Variants in STX6 observed in about 807,000 individuals in gnomAD.
STX6 encodes the protein syntaxin 6.
A neutral mutation model predicts 38.0 loss-of-function variants in STX6; 23 were observed. The ratio of observed to expected loss-of-function variants is 0.60; its 90% CI spans 0.43 to 0.86. STX6 has a LOEUF of 0.86. Ranked by LOEUF, STX6 falls within the 40% of genes least tolerant of loss-of-function variation. The probability of loss-of-function intolerance (pLI) is 0.00; values close to 1 mark genes in which losing one functional copy is unlikely to be tolerated. For synonymous variants in STX6, 123 were observed against 107.5 expected, an observed-to-expected ratio of 1.14 and a Z score of -0.89; for missense variants, 274 against 312.9, an observed-to-expected ratio of 0.88 and a Z score of 0.94.
chr1:181,018,238 C>T (rs1214840916), intron 1 of STX6, among the ~76,000 whole-genome samples: 1 of 151,480 alleles, frequency 6.6e-6, no homozygotes, highest in Non-Finnish European at 1.5e-5. Flanking sequence ...ACAAAATTAG[C>T]CAGGCATAGT....
At chr1:180,978,642 C>A (rs1025025020) in intron 7 of STX6, among the ~76,000 whole-genome samples, 2 of 152,168 alleles carry the variant, frequency 1.3e-5, no homozygotes, top group Non-Finnish European at 2.9e-5. Context: ...AGTCTGCCCT[C>A]AAAAGAAACT....
At position 180,976,525 on chromosome 1, in the gene STX6, C is replaced by G. The variant is rs758513911; in HGVS notation, c.*45G>C. Reference sequence around the variant, plus strand: ...ACACGTGCTCAGCTTCTCCTCCTCCCCTCGGTTCATATGCAGGAGGAACTC... The same window carrying G: ...ACACGTGCTCAGCTTCTCCTCCTCCGCTCGGTTCATATGCAGGAGGAACTC... On this transcript the variant is annotated 3_prime_UTR_variant, in exon 8 of 8. Coordinates refer to ENST00000258301, the MANE Select transcript of STX6 (RefSeq NM_005819.6). The G allele has an allele frequency of 7.2e-6, 11 of 1,535,418 alleles. No homozygotes were observed. The South Asian group carries it at 1.2e-4, about 17-fold the overall frequency.
intron 3 of STX6, among the ~76,000 whole-genome samples, chr1:180,998,010 T>C (rs576514429): frequency 1.3e-5 from 2 of 152,360 alleles, no homozygotes; most frequent in East Asian, 3.9e-4. Context: ...GAAAATAAAA[T>C]GCTATGATTG....
At chr1:181,007,254 A>G (rs1656251445) in intron 1 of STX6, among the ~76,000 whole-genome samples, 1 of 152,158 alleles carries the variant, frequency 6.6e-6, no homozygotes, top group Non-Finnish European at 1.5e-5. Flanking sequence ...TCATCTCTAG[A>G]TTATTTATAA....
chr1:180,974,785 G>C lies in STX6; in HGVS notation c.*1785C>G, dbSNP rs1655204303. On this transcript the variant is annotated 3_prime_UTR_variant, in exon 8 of 8. Transcript: ENST00000258301. ...GTACTCTAAACATCTGAAGCCCTTT[G>C]TAATACTCACTGTTTTTTCCTAATT... 6.6e-6 allele frequency: 1 copy of C among 152,528 alleles called. No individual in the cohort carries two copies. Among genetic ancestry groups the C allele is most frequent in the South Asian group, 2.1e-4 (1 of 4,832 alleles). The allele number at this position is 152,528 out of a possible 1,614,324, so 9.4% of individuals were successfully genotyped here. A position where few individuals can be genotyped will look rare whatever the true frequency, so the allele number is the denominator to read the frequency against.
At position 180,984,777 on chromosome 1, in the gene STX6, G is replaced by C. The variant is rs749313072; in HGVS notation, c.597-6C>G. On this transcript the variant is annotated splice_region_variant and splice_polypyrimidine_tract_variant and intron_variant, in intron 6 of 7. Coordinates refer to ENST00000258301, the MANE Select transcript of STX6 (RefSeq NM_005819.6). ...GAGAGAAATCTTCCAACATACTAGA[G>C]AGAAGCAGACACAGAAGGTCGCTGG... 1.2e-5 allele frequency: 18 copies of C among 1,457,320 alleles called. No individual in the cohort carries two copies. The African/African-American group carries it at 2.2e-4, about 18-fold the overall frequency. 90.3% of individuals were successfully genotyped at this position (1,457,320 alleles called of 1,614,324 possible).
chr1:180,981,114 C>A (rs1236747130), intron 7 of STX6, among the ~76,000 whole-genome samples: 3 of 152,156 alleles, frequency 2.0e-5, no homozygotes, highest in Non-Finnish European at 4.4e-5. Context: ...GTCATTTATA[C>A]ATTTGTTCAA....
chr1:180,978,739 T>C (rs1655319274), intron 7 of STX6, among the ~76,000 whole-genome samples: 1 of 152,100 alleles, frequency 6.6e-6, no homozygotes, highest in Non-Finnish European at 1.5e-5. Flanking sequence ...GTAGAAAAAC[T>C]GGGAAGCACT....
intron 1 of STX6, among the ~76,000 whole-genome samples, chr1:181,018,202 G>T (rs1012483358): frequency 2.0e-5 from 3 of 151,706 alleles, no homozygotes; most frequent in Admixed American, 2.0e-4. Context: ...TGGCTAACAG[G>T]GTGAAATGCC....
At chr1:181,003,008 GTC>G (rs1656126959) in intron 2 of STX6, among the ~76,000 whole-genome samples, 1 of 152,222 alleles carries the variant, frequency 6.6e-6, no homozygotes, top group African/African-American at 2.4e-5. Context: ...CAACACTTGT[GTC>G]TATCCTTTTT....
At chr1:180,984,894 AC>A in intron 6 of STX6, 123 bp from the exon 7 acceptor site, 1 of 486,992 alleles carries the variant, frequency 2.1e-6, no homozygotes, top group South Asian at 3.2e-5. Context: ...GGGTTTCAGG[AC>A]CTCACTCTGT....
At chr1:181,013,365 C>A (rs546878440) in intron 1 of STX6, among the ~76,000 whole-genome samples, 1 of 152,344 alleles carries the variant, frequency 6.6e-6, no homozygotes, top group South Asian at 2.1e-4. Context: ...GTCAACCAGG[C>A]TGGAGTGCAG....
At chr1:181,008,711 T>C (rs538514988) in intron 1 of STX6, among the ~76,000 whole-genome samples, 1 of 145,032 alleles carries the variant, frequency 6.9e-6, no homozygotes, top group Admixed American at 7.0e-5. Flanking sequence ...GTAGTTGATA[T>C]AAGCTTTCCA....
intron 3 of STX6, among the ~76,000 whole-genome samples, chr1:180,997,727 G>A (rs1279339492): frequency 6.6e-6 from 1 of 152,084 alleles, no homozygotes; most frequent in Non-Finnish European, 1.5e-5. Context: ...TATTACTACT[G>A]AACAGCACTT....
chr1:181,010,248 A>G (rs1428026796), intron 1 of STX6, among the ~76,000 whole-genome samples: 1 of 152,064 alleles, frequency 6.6e-6, no homozygotes. Flanking sequence ...AAATGAGAAA[A>G]ATTATACTTG....
At chr1:181,002,237 C>T (rs954301850) in intron 3 of STX6, among the ~76,000 whole-genome samples, 1 of 151,906 alleles carries the variant, frequency 6.6e-6, no homozygotes, top group African/African-American at 2.4e-5. Context: ...TCAGCCTCAA[C>T]CTGATCCTCC....
At chr1:181,008,845 C>T (rs372053494) in intron 1 of STX6, among the ~76,000 whole-genome samples, 1 of 145,558 alleles carries the variant, frequency 6.9e-6, no homozygotes, top group South Asian at 2.2e-4. Flanking sequence ...GAAAATATCT[C>T]GAGAATTTTT....
intron 1 of STX6, among the ~76,000 whole-genome samples, chr1:181,014,753 A>G (rs1656506934): frequency 1.3e-5 from 2 of 152,218 alleles, no homozygotes; most frequent in African/African-American, 4.8e-5. Flanking sequence ...TGACTTCTAC[A>G]TTCACATCGT....
At chr1:180,984,338 G>A (rs1021451596) in intron 7 of STX6, among the ~76,000 whole-genome samples, 1 of 152,106 alleles carries the variant, frequency 6.6e-6, no homozygotes, top group Non-Finnish European at 1.5e-5. Context: ...CTGAGGTCAG[G>A]AGTTCGAGAC....
Sources: allele counts gnomAD v4.1 joint callset (sites outside exome capture counted in the v4.1 genomes callset), GRCh38; gene constraint gnomAD v4.1.1; transcripts MANE v1.5; gene names NCBI Gene and HGNC (gene_info 2026-07-23, HGNC 2026-07-21).